GRIP1: variants seen among roughly 807,000 people sequenced by gnomAD.
GRIP1 encodes glutamate receptor-interacting protein 1.
A neutral mutation model predicts 129.9 loss-of-function variants in GRIP1; 45 were observed. The observed-to-expected ratio is 0.35, with a 90% confidence interval of 0.27 to 0.44. GRIP1 has a LOEUF of 0.44. GRIP1 is among the 20% of genes least tolerant of loss of function. GRIP1 has a pLI of 1.00. For synonymous variants in GRIP1, 530 were observed against 520.8 expected (o/e 1.02, Z -0.24); for missense variants, 1,196 against 1,396.8 (o/e 0.86, Z 2.29).
At chr12:66,982,698 C>G (rs2042256283) in intron 1 of GRIP1, among the ~76,000 whole-genome samples, 1 of 152,166 alleles carries the variant, frequency 6.6e-6, no homozygotes, top group Admixed American at 6.5e-5. Context: ...GGTTCACCCC[C>G]AGTCAAGTCT....
intron 15 of GRIP1, among the ~76,000 whole-genome samples, chr12:66,414,214 G>C (rs1424247474): frequency 6.6e-6 from 1 of 152,078 alleles, no homozygotes; most frequent in Non-Finnish European, 1.5e-5. Context: ...CAGCCCAAAA[G>C]CTTCTTAAGC....
intron 1 of GRIP1, among the ~76,000 whole-genome samples, chr12:66,954,044 C>G (rs1327085246): frequency 6.6e-6 from 1 of 152,166 alleles, no homozygotes; most frequent in African/African-American, 2.4e-5. Flanking sequence ...CCACCGACTC[C>G]TCTGCACAGA....
chr12:66,353,311 G>C, intron 24 of GRIP1, 106 bp downstream of exon 24: 2 of 824,224 alleles, frequency 2.4e-6, no homozygotes, highest in South Asian at 1.3e-5. Flanking sequence ...GATGACAAAG[G>C]CTGAAAGGGA....
rs116894395 is a variant in GRIP1 at position 66,349,207 on chromosome 12, C to G, written c.3199G>C (p.Val1067Leu). The G allele has an allele frequency of 1.2e-4, 189 of 1,614,134 alleles. No homozygotes were observed. The Middle Eastern group carries it at 1.5e-3, about 13-fold the overall frequency. ...CCGGATTCTGCTATGAGGGGCACAA[C>G]AAGGCAGCAGTCAAAGTCTCTGGTT... The part of the protein sequence containing the change: ...VRTRDFDCCL[V>L]VPLIAESGNK... The change falls in exon 25 of 25, where the codon GTT becomes CTT. Residue 1067 changes from valine (V) to leucine (L), a missense_variant. Val to Leu is a conservative substitution (Grantham distance 32). This residue lies in a region of GRIP1 where 427 missense variants were observed against 463.3 expected (regional missense o/e 0.92). Coordinates refer to ENST00000359742, the MANE Select transcript of GRIP1 (RefSeq NM_001366722.1).
intron 1 of GRIP1, among the ~76,000 whole-genome samples, chr12:66,857,554 A>AG (rs1437191171): frequency 7.7e-6 from 1 of 130,078 alleles, no homozygotes; most frequent in Non-Finnish European, 1.8e-5. Context: ...GGCTAGTCTC[A>AG]GGAAAAAAAA....
chr12:67,039,582 AG>A (rs1316720128), intron 1 of GRIP1, among the ~76,000 whole-genome samples: 1 of 152,196 alleles, frequency 6.6e-6, no homozygotes, highest in Non-Finnish European at 1.5e-5. Flanking sequence ...ATTTCCAGAA[AG>A]AGTACTGCAA....
chr12:66,940,073 T>C (rs1177904392), intron 1 of GRIP1, among the ~76,000 whole-genome samples: 1 of 152,124 alleles, frequency 6.6e-6, no homozygotes, highest in African/African-American at 2.4e-5. Context: ...TCAGACTATG[T>C]ATACCTTTTG....
At chr12:66,882,956 G>A (rs1158827279) in intron 1 of GRIP1, among the ~76,000 whole-genome samples, 3 of 152,068 alleles carry the variant, frequency 2.0e-5, no homozygotes, top group Non-Finnish European at 4.4e-5. Context: ...CTCCAGAATT[G>A]GGGAAGAAAA....
intron 4 of GRIP1, among the ~76,000 whole-genome samples, chr12:66,536,644 C>T (rs1046812383): frequency 3.5e-4 from 54 of 152,326 alleles, no homozygotes; most frequent in South Asian, 2.1e-4. Context: ...TGTATTCCCA[C>T]CCTGATCCCA....
chr12:66,541,719 C>T (rs1448885188), intron 3 of GRIP1, 96 bp downstream of exon 3: 2 of 1,276,292 alleles, frequency 1.6e-6, no homozygotes, highest in East Asian at 2.3e-5. Flanking sequence ...TGGCAGCTGT[C>T]ATTTATTTAT....
At position 66,539,096 on chromosome 12, in the gene GRIP1, A is replaced by C; in HGVS notation, c.400T>G (p.Tyr134Asp). The C allele has an allele frequency of 6.2e-7, 1 of 1,613,770 alleles. No individual in the cohort carries two copies. The highest frequency in any genetic ancestry group is 8.5e-7 in the Non-Finnish European group (1 of 1,179,890). Residue 134 changes from tyrosine (Y) to aspartate (D), a missense_variant, in exon 4 of 25, where the codon TAC becomes GAC. Coordinates refer to ENST00000359742, the MANE Select transcript of GRIP1 (RefSeq NM_001366722.1). ...TACTTACAGACCGGTGGAAGCTCGT[A>C]CTCTACTTCAAGAACCACTCTTTCT... ...VGERVVLEVE[Y>D]ELPPVSVQGS...
intron 1 of GRIP1, among the ~76,000 whole-genome samples, chr12:67,057,689 T>C (rs1271893591): frequency 2.0e-5 from 3 of 152,220 alleles, no homozygotes; most frequent in Non-Finnish European, 4.4e-5. Context: ...ATCTTATATG[T>C]ATATCAGCAT....
chr12:67,069,138 C>T (rs921665803), exon 1 of GRIP1: 4 of 983,900 alleles, frequency 4.1e-6, no homozygotes, highest in African/African-American at 1.7e-5. Flanking sequence ...CTGTCGGGCT[C>T]GCTCTTTCTC....
intron 7 of GRIP1, among the ~76,000 whole-genome samples, chr12:66,484,556 T>C (rs80227918): frequency 0.11 from 16,789 of 152,210 alleles, 1,258 homozygotes; most frequent in Admixed American, 0.21. Flanking sequence ...GACACTATGT[T>C]AAGTGAAGTA....
chr12:66,634,211 T>C (rs1427037333), intron 1 of GRIP1, among the ~76,000 whole-genome samples: 2 of 152,202 alleles, frequency 1.3e-5, no homozygotes, highest in African/African-American at 4.8e-5. Context: ...TTAATGTCCA[T>C]AGATAAAGAA....
At chr12:66,795,470 T>C (rs561119512) in intron 1 of GRIP1, among the ~76,000 whole-genome samples, 2 of 152,312 alleles carry the variant, frequency 1.3e-5, no homozygotes, top group Admixed American at 6.5e-5. Context: ...AAACTACACA[T>C]AAATTTTAAG....
At chr12:66,954,947 T>C (rs866540688) in intron 1 of GRIP1, among the ~76,000 whole-genome samples, 10 of 152,038 alleles carry the variant, frequency 6.6e-5, no homozygotes, top group Middle Eastern at 6.8e-3. Flanking sequence ...GCAAAGAGGG[T>C]GGCCGCAGAA....
intron 1 of GRIP1, among the ~76,000 whole-genome samples, chr12:66,693,227 C>A (rs962943155): frequency 1.3e-5 from 2 of 152,140 alleles, no homozygotes; most frequent in Non-Finnish European, 2.9e-5. Context: ...CCACACGTGA[C>A]CTGTAAGTAC....
chr12:67,041,440 T>C (rs1346969182), intron 1 of GRIP1, among the ~76,000 whole-genome samples: 1 of 152,156 alleles, frequency 6.6e-6, no homozygotes, highest in Non-Finnish European at 1.5e-5. Flanking sequence ...TCTGGAGAAC[T>C]GTACTACAGT....
Sources: gnomAD v4.1 joint callset for allele counts (sites outside exome capture counted in the v4.1 genomes callset) on GRCh38, gnomAD v4.1.1 for gene constraint, gnomAD v4.1.1 regional missense constraint, MANE v1.5 for transcripts, NCBI Gene and HGNC (gene_info 2026-07-23, HGNC 2026-07-21) for gene names.